The following ADAM10 variants were observed in gnomAD, a reference collection of about 807,000 sequenced individuals.
ADAM10 encodes the protein ADAM metallopeptidase domain 10, also known as disintegrin and metalloproteinase domain-containing protein 10.
ADAM10 carries 17 observed loss-of-function variants against 90.1 expected under a neutral mutation model. That is an observed-to-expected ratio of 0.19 (90% CI 0.13 to 0.28). ADAM10 has a LOEUF of 0.28. ADAM10 is among the 10% of genes least tolerant of loss of function. The pLI, the probability that ADAM10 is intolerant of heterozygous loss-of-function variation, is 1.00. For missense variants in ADAM10, 610 were observed against 914.3 expected (o/e 0.67, Z 4.29); for synonymous variants, 310 against 298.6 (o/e 1.04, Z -0.40).
rs1894767187 is a variant in ADAM10, at chr15:58,588,819, C to G, written c.*8728G>C. ...CCACAAACACAAATCTAGAGTCTCC[C>G]ATTTTATTTCTAATTTGAGCTTTCT... is the stretch of plus-strand genomic sequence containing the variant. On this transcript the variant is annotated 3_prime_UTR_variant, in exon 16 of 16. Coordinates refer to ENST00000260408, the MANE Select transcript of ADAM10 (RefSeq NM_001110.4). 6.6e-6 allele frequency: 1 copy of G among 152,112 alleles called. No individual in the cohort carries two copies. The highest frequency in any genetic ancestry group is 1.5e-5 in the Non-Finnish European group (1 of 68,014). The allele number at this position is 152,112 out of a possible 1,614,324, so 9.4% of individuals were successfully genotyped here.
chr15:58,617,757 T>C (rs1182342882), intron 11 of ADAM10, among the ~76,000 whole-genome samples: 2 of 152,034 alleles, frequency 1.3e-5, no homozygotes, highest in African/African-American at 4.8e-5. Flanking sequence ...TGTGTTTCTA[T>C]ATACAAGAAA....
intron 5 of ADAM10, among the ~76,000 whole-genome samples, chr15:58,647,246 GTAT>G (rs1896570593): frequency 8.1e-5 from 3 of 36,828 alleles, no homozygotes; most frequent in Admixed American, 2.9e-4. Flanking sequence ...TAGACACTAA[GTAT>G]TTTTTTTTTT....
At chr15:58,609,112 G>A (rs770892463) in intron 14 of ADAM10, 2 of 152,104 alleles carry the variant, frequency 1.3e-5, no homozygotes, top group East Asian at 1.9e-4. Context: ...GAATCCTTAC[G>A]TGATTCTCAA....
At chr15:58,729,176 A>G (rs1899140222) in intron 1 of ADAM10, among the ~76,000 whole-genome samples, 1 of 152,120 alleles carries the variant, frequency 6.6e-6, no homozygotes, top group Non-Finnish European at 1.5e-5. Flanking sequence ...TGGGCAACAT[A>G]GCGAGACCCT....
At chr15:58,676,293 C>A (rs1288775963) in intron 4 of ADAM10, 2 of 455,464 alleles carry the variant, frequency 4.4e-6, no homozygotes, top group Non-Finnish European at 8.8e-6. Flanking sequence ...TAAGCCTTCA[C>A]CTATAAAGTG....
chr15:58,637,236 C>G (rs1034841606), intron 8 of ADAM10, among the ~76,000 whole-genome samples: 19 of 152,144 alleles, frequency 1.2e-4, no homozygotes, highest in African/African-American at 4.6e-4. Flanking sequence ...TGAAATGCCT[C>G]AAAAGATGTT....
intron 1 of ADAM10, among the ~76,000 whole-genome samples, chr15:58,719,062 G>A (rs890376699): frequency 6.6e-6 from 1 of 152,158 alleles, no homozygotes; most frequent in African/African-American, 2.4e-5. Flanking sequence ...GGTGGCTCAC[G>A]CCTGTAATCC....
intron 2 of ADAM10, among the ~76,000 whole-genome samples, chr15:58,685,693 G>A (rs1481527574): frequency 6.6e-6 from 1 of 151,186 alleles, no homozygotes; most frequent in East Asian, 1.9e-4. Context: ...TAGTAACAAT[G>A]GTTGTCCCCA....
intron 7 of ADAM10, among the ~76,000 whole-genome samples, chr15:58,642,262 T>C (rs1177507690): frequency 3.3e-5 from 5 of 152,040 alleles, no homozygotes; most frequent in African/African-American, 9.7e-5. Context: ...GGTCAGGAGT[T>C]CAAGACCAGC....
At chr15:58,691,913 TG>T (rs1466122253) in intron 2 of ADAM10, among the ~76,000 whole-genome samples, 2 of 151,944 alleles carry the variant, frequency 1.3e-5, no homozygotes, top group African/African-American at 2.4e-5. Context: ...TGACCTCAGG[TG>T]ATCTGCCCGC....
At position 58,665,113 on chromosome 15, in the gene ADAM10, A is replaced by G. The variant is rs776105519; in HGVS notation, c.569T>C (p.Val190Ala). Reference sequence around the variant, plus strand: ...AATCCTTACCTGTGTTACTTCCTCTACACCAGTCATCTGGTATTTCCTCAT... The same window carrying G: ...AATCCTTACCTGTGTTACTTCCTCTGCACCAGTCATCTGGTATTTCCTCAT... ...ERMRKYQMTGVEEVTQIPQEE... is the reference protein window; with the variant it reads ...ERMRKYQMTGAEEVTQIPQEE... The change falls in exon 5 of 16, where the codon GTA becomes GCA. Residue 190 changes from valine (V) to alanine (A), a missense_variant. Physicochemically the swap from Val to Ala is moderately conservative, Grantham distance 64. Around this residue, in one of 4 missense-constraint regions of ADAM10, gnomAD observed 310 missense variants for 362.4 expected, o/e 0.86. Coordinates refer to ENST00000260408, the MANE Select transcript of ADAM10 (RefSeq NM_001110.4). 3 of 1,611,928 alleles carry G rather than the reference A, an allele frequency of 1.9e-6. No individual in the cohort carries two copies. The highest frequency in any genetic ancestry group is 2.5e-6 in the Non-Finnish European group (3 of 1,178,182).
At chr15:58,636,831 T>C (rs927737190) in intron 8 of ADAM10, among the ~76,000 whole-genome samples, 11 of 152,322 alleles carry the variant, frequency 7.2e-5, no homozygotes, top group Admixed American at 5.9e-4. Flanking sequence ...AATAGTAGCA[T>C]GCTGATCATA....
At chr15:58,697,378 T>C (rs1336329089) in intron 2 of ADAM10, among the ~76,000 whole-genome samples, 2 of 152,104 alleles carry the variant, frequency 1.3e-5, no homozygotes, top group Non-Finnish European at 2.9e-5. Context: ...ACTGGGGCCA[T>C]GGGGATCACC....
intron 14 of ADAM10, among the ~76,000 whole-genome samples, chr15:58,603,541 G>T (rs961645562): frequency 6.6e-6 from 1 of 152,082 alleles, no homozygotes; most frequent in Admixed American, 6.5e-5. Context: ...TCTTCCTAAA[G>T]TCATTATCAT....
At chr15:58,691,005 T>C (rs1357017873) in intron 2 of ADAM10, 5 of 498,950 alleles carry the variant, frequency 1.0e-5, no homozygotes, top group African/African-American at 1.9e-5. Flanking sequence ...AATGGGGTGG[T>C]TGGGGTTGAT....
At position 58,749,075 on chromosome 15, in the gene ADAM10, G is replaced by A. The variant is rs963496349; in HGVS notation, c.55+405C>T. On this transcript the variant is annotated intron_variant, in intron 1 of 15. Transcript: ENST00000260408. Reference sequence around the variant, plus strand: ...GGTGAGCAGGATGAGCGCTGAACGAGGACGGCGAGACCGCCAGCCTCGCTG... The same window carrying A: ...GGTGAGCAGGATGAGCGCTGAACGAAGACGGCGAGACCGCCAGCCTCGCTG... 13 of 398,736 alleles carry A rather than the reference G, an allele frequency of 3.3e-5. No homozygotes were observed. In the East Asian group the frequency reaches 3.9e-4, roughly 12 times the overall value. The allele number at this position is 398,736 out of a possible 1,614,324, so 24.7% of individuals were successfully genotyped here.
At chr15:58,650,263 G>A (rs1218416358) in intron 5 of ADAM10, among the ~76,000 whole-genome samples, 1 of 152,218 alleles carries the variant, frequency 6.6e-6, no homozygotes, top group East Asian at 1.9e-4. Context: ...CTGAGTGCCA[G>A]GCTATGTATA....
chr15:58,662,401 T>C (rs890759508), intron 5 of ADAM10, among the ~76,000 whole-genome samples: 4 of 152,166 alleles, frequency 2.6e-5, no homozygotes, highest in African/African-American at 9.7e-5. Context: ...GGCACAATCA[T>C]GGATCACAGC....
intron 5 of ADAM10, among the ~76,000 whole-genome samples, chr15:58,647,257 T>TTTTTTTTTTTTTTTG (rs1896574561): frequency 1.0e-5 from 1 of 97,552 alleles, no homozygotes; most frequent in Non-Finnish European, 2.2e-5. Flanking sequence ...TATTTTTTTT[T>TTTTTTTTTTTTTTTG]TTTTTTTTTT....
Sources: allele counts gnomAD v4.1 joint callset (sites outside exome capture counted in the v4.1 genomes callset), GRCh38; gene constraint gnomAD v4.1.1; regional missense constraint gnomAD v4.1.1; transcripts MANE v1.5; gene names NCBI Gene and HGNC (gene_info 2026-07-23, HGNC 2026-07-21).